GSG1L: variants seen among roughly 807,000 people sequenced by gnomAD.
GSG1L encodes germ cell-specific gene 1-like protein.
In GSG1L, 24 loss-of-function variants were observed where a neutral mutation model predicts 42.1. The observed-to-expected ratio is 0.57, with a 90% confidence interval of 0.41 to 0.80. The LOEUF (loss-of-function observed/expected upper bound fraction) is 0.80, where lower values mean the gene tolerates loss of function less well. Among genes scored for constraint, GSG1L ranks in the 30% least tolerant of loss-of-function variants. GSG1L has a pLI of 0.00. For missense variants in GSG1L, 445 were observed against 472.2 expected (o/e 0.94, Z 0.53); for synonymous variants, 215 against 203.5 (o/e 1.06, Z -0.48).
intron 3 of GSG1L, among the ~76,000 whole-genome samples, chr16:27,862,196 C>T (rs142446536): frequency 6.6e-6 from 1 of 152,298 alleles, no homozygotes; most frequent in African/African-American, 2.4e-5. Context: ...GATTGTGACA[C>T]TTCTCTTGCA....
Position 27,828,928 on chromosome 16 carries a change from T to C in GSG1L, c.691A>G (p.Met231Val). The C allele has an allele frequency of 1.2e-6, 2 of 1,614,158 alleles. No individual in the cohort carries two copies. Among genetic ancestry groups the C allele is most frequent in the Non-Finnish European group, 1.7e-6 (2 of 1,180,020 alleles). Residue 231 changes from methionine (M) to valine (V), a missense_variant, in exon 5 of 7, where the codon ATG (methionine) becomes GTG (valine). By Grantham distance (21) the Met-to-Val change is conservative. This residue lies in a region of GSG1L where 149 missense variants were observed against 223.3 expected (regional missense o/e 0.67). Coordinates refer to ENST00000447459, the MANE Select transcript of GSG1L (RefSeq NM_001109763.2). The part of the protein sequence containing the change: ...CLAWGSFTCC[M>V]AASVTTLNSY... ...TTGAGCGTGGTGACAGAGGCTGCCA[T>C]GCAGCAGGTAAAGGAGCCCCACGCC...
At chr16:27,905,031 T>C (rs1039777730) in intron 2 of GSG1L, among the ~76,000 whole-genome samples, 6 of 152,212 alleles carry the variant, frequency 3.9e-5, no homozygotes, top group Admixed American at 1.3e-4. Flanking sequence ...GAAAAAATAA[T>C]GAATTCAAAT....
chr16:27,815,483 C>T (rs1467442530), intron 5 of GSG1L, among the ~76,000 whole-genome samples: 1 of 152,148 alleles, frequency 6.6e-6, no homozygotes, highest in Non-Finnish European at 1.5e-5. Context: ...ATTACCCAGC[C>T]TCAGGTATTC....
At chr16:27,904,476 A>AT (rs1204812691) in intron 2 of GSG1L, among the ~76,000 whole-genome samples, 2 of 151,352 alleles carry the variant, frequency 1.3e-5, no homozygotes, top group Non-Finnish European at 1.5e-5. Context: ...TTTCCTTTTT[A>AT]TTTTTTTCCC....
chr16:27,851,420 T>C (rs2083513889), intron 3 of GSG1L, among the ~76,000 whole-genome samples: 1 of 152,062 alleles, frequency 6.6e-6, no homozygotes, highest in Non-Finnish European at 1.5e-5. Context: ...GGTCTTGAAC[T>C]CCTGGCCTCA....
intron 4 of GSG1L, among the ~76,000 whole-genome samples, chr16:27,830,294 T>G (rs705928): frequency 0.43 from 65,375 of 151,834 alleles, 15,048 homozygotes; most frequent in African/African-American, 0.58. Flanking sequence ...ACCCTGCATT[T>G]CCTGGGAGCT....
At chr16:27,970,309 C>T (rs935955309) in intron 1 of GSG1L, among the ~76,000 whole-genome samples, 3 of 151,520 alleles carry the variant, frequency 2.0e-5, no homozygotes, top group Admixed American at 6.6e-5. Context: ...TGGTGGCTCA[C>T]GCCTGTAATC....
At chr16:27,862,973 T>A (rs572221096) in intron 3 of GSG1L, among the ~76,000 whole-genome samples, 1 of 152,300 alleles carries the variant, frequency 6.6e-6, no homozygotes, top group Admixed American at 6.5e-5. Context: ...AGTTAATAAT[T>A]CAAATGTATT....
chr16:27,895,160 A>T (rs184367459), intron 2 of GSG1L, among the ~76,000 whole-genome samples: 3 of 152,312 alleles, frequency 2.0e-5, no homozygotes, highest in Admixed American at 2.0e-4. Flanking sequence ...ACAGTATTTT[A>T]AAAATATCTG....
intron 3 of GSG1L, among the ~76,000 whole-genome samples, chr16:27,857,008 A>G (rs1229881411): frequency 6.6e-6 from 1 of 152,144 alleles, no homozygotes; most frequent in Non-Finnish European, 1.5e-5. Context: ...CTGGCAACAG[A>G]TTGGTCTCTC....
At chr16:27,867,582 T>C (rs2083745052) in intron 3 of GSG1L, among the ~76,000 whole-genome samples, 1 of 152,194 alleles carries the variant, frequency 6.6e-6, no homozygotes, top group South Asian at 2.1e-4. Flanking sequence ...TTGCTCACTG[T>C]GTGTCAGAGA....
At chr16:27,871,533 G>A (rs1244252473) in intron 3 of GSG1L, among the ~76,000 whole-genome samples, 1 of 152,096 alleles carries the variant, frequency 6.6e-6, no homozygotes, top group East Asian at 1.9e-4. Context: ...AGCTACTCAG[G>A]AGGTTGAGGT....
At chr16:27,838,955 C>T (rs1003144998) in intron 4 of GSG1L, among the ~76,000 whole-genome samples, 5 of 152,328 alleles carry the variant, frequency 3.3e-5, no homozygotes, top group African/African-American at 1.2e-4. Context: ...ATCACACAGC[C>T]TCTCAGCAGA....
intron 2 of GSG1L, among the ~76,000 whole-genome samples, chr16:27,948,996 C>T (rs947116763): frequency 6.6e-6 from 1 of 151,462 alleles, no homozygotes; most frequent in African/African-American, 2.4e-5. Context: ...TGGCTCACTA[C>T]AGCCTCTACC....
At chr16:28,060,453 G>A (rs1420191727) in intron 1 of GSG1L, among the ~76,000 whole-genome samples, 2 of 152,132 alleles carry the variant, frequency 1.3e-5, no homozygotes, top group African/African-American at 2.4e-5. Flanking sequence ...GAGGAAAATT[G>A]TGATTTTGGG....
At position 27,787,800 on chromosome 16, in the gene GSG1L, C is replaced by A. The variant is rs2082709769; in HGVS notation, c.*3570G>T. 6.6e-6 allele frequency: 1 copy of A among 152,192 alleles called. No homozygotes were observed. The highest frequency in any genetic ancestry group is 2.4e-5 in the African/African-American group (1 of 41,432). 9.4% of individuals were successfully genotyped at this position (152,192 alleles called of 1,614,324 possible). A position where few individuals can be genotyped will look rare whatever the true frequency, so the allele number is the denominator to read the frequency against. On this transcript the variant is annotated 3_prime_UTR_variant, in exon 7 of 7. Transcript: ENST00000447459. ...AGGACCCTGGGTGAGAACAAGAGCT[C>A]CTAGATGCCTGGTGGCCAGGGCTAG... is the stretch of plus-strand genomic sequence containing the variant.
chr16:27,841,091 C>A (rs2083376063), intron 4 of GSG1L, among the ~76,000 whole-genome samples: 1 of 152,240 alleles, frequency 6.6e-6, no homozygotes, highest in East Asian at 1.9e-4. Context: ...GTGATGTGTA[C>A]ACCTCAACAG....
chr16:27,884,463 C>A lies in GSG1L; in HGVS notation c.550+23G>T. 1 of 1,605,824 alleles carries A rather than the reference C, an allele frequency of 6.2e-7. No homozygotes were observed. The highest frequency in any genetic ancestry group is 8.5e-7 in the Non-Finnish European group (1 of 1,174,920). The stretch of plus-strand genomic sequence containing the variant: ...CCTTTCTCGCCTGTGCTCTGAGAGG[C>A]CACAGGACCAGCCATGCCTTACCTG... On this transcript the variant is annotated intron_variant, in intron 3 of 6. Coordinates refer to ENST00000447459, the MANE Select transcript of GSG1L (RefSeq NM_001109763.2). This position sits in a 1 kb window ranked among gnomAD's most constrained non-coding sequence, Gnocchi z 4.4.
intron 2 of GSG1L, among the ~76,000 whole-genome samples, chr16:27,912,446 G>A (rs547623102): frequency 7.2e-5 from 11 of 152,278 alleles, no homozygotes; most frequent in South Asian, 2.1e-4. Flanking sequence ...GAGCCCAGGA[G>A]GTTGAGGCTG....
Sources: gnomAD v4.1 joint callset for allele counts (sites outside exome capture counted in the v4.1 genomes callset) on GRCh38, gnomAD v4.1.1 for gene constraint, gnomAD v4.1.1 regional missense constraint, Gnocchi (gnomAD v3.1) non-coding constraint, MANE v1.5 for transcripts, NCBI Gene and HGNC (gene_info 2026-07-23, HGNC 2026-07-21) for gene names.